NXN: variants seen among roughly 807,000 people sequenced by gnomAD.
NXN encodes the protein nucleoredoxin 1.
In NXN, 16 loss-of-function variants were observed where a neutral mutation model predicts 48.6. The ratio of observed to expected loss-of-function variants is 0.33; its 90% CI spans 0.22 to 0.50. The LOEUF is 0.50. Ranked by LOEUF, NXN falls within the 20% of genes least tolerant of loss-of-function variation. The pLI, the probability that NXN is intolerant of heterozygous loss-of-function variation, is 0.98. For synonymous variants in NXN, 281 were observed against 269.6 expected (o/e 1.04, Z -0.41); for missense variants, 492 against 605.5 (o/e 0.81, Z 1.97).
At chr17:814,213 T>C (rs1424865917) in intron 5 of NXN, among the ~76,000 whole-genome samples, 1 of 151,870 alleles carries the variant, frequency 6.6e-6, no homozygotes, top group Non-Finnish European at 1.5e-5. Context: ...GAGCAGAGAT[T>C]GCGCCACTGC....
intron 1 of NXN, among the ~76,000 whole-genome samples, chr17:948,039 T>G (rs116514442): frequency 0.017 from 2,534 of 151,662 alleles, 68 homozygotes; most frequent in African/African-American, 0.058. Context: ...TGACAGAGAC[T>G]CTCTCTCAAA....
chr17:806,812 G>A (rs556811530), intron 5 of NXN, among the ~76,000 whole-genome samples: 8 of 152,214 alleles, frequency 5.3e-5, no homozygotes, highest in South Asian at 2.1e-4. Flanking sequence ...AGGAATCAAC[G>A]AATCCATTAT....
chr17:919,362 A>C lies in NXN; in HGVS notation c.360+59957T>G, dbSNP rs2068722273. Among the ~76,000 whole-genome samples the C allele has an allele frequency of 1.4e-5, 2 of 138,278 alleles. No individual in the cohort carries two copies. Among genetic ancestry groups the C allele is most frequent in the African/African-American group, 4.9e-5 (2 of 40,982 alleles). The allele number at this position is 138,278 out of a possible 152,430, so 90.7% of individuals were successfully genotyped here. On this transcript the variant is annotated intron_variant, in intron 1 of 7. Coordinates refer to ENST00000336868, the MANE Select transcript of NXN (RefSeq NM_022463.5). The surrounding 1 kb of genome is among the most constrained non-coding windows in gnomAD (Gnocchi z 5.1). ...TGGTGACAGAGTGAGACTCTGTCTC[A>C]AAACAAAACAAAAAAAAGGTTCTGG...
At chr17:895,644 C>T (rs1296075059) in intron 1 of NXN, among the ~76,000 whole-genome samples, 2 of 70,604 alleles carry the variant, frequency 2.8e-5, no homozygotes, top group Non-Finnish European at 5.5e-5. Flanking sequence ...AACCCCGTCT[C>T]TACTTAAAAT....
intron 1 of NXN, among the ~76,000 whole-genome samples, chr17:878,893 G>A (rs951005823): frequency 3.9e-5 from 6 of 152,158 alleles, no homozygotes; most frequent in Non-Finnish European, 8.8e-5. Context: ...GGCCAGGTGC[G>A]GTGGCTCACG....
At chr17:868,453 T>C (rs111228841) in intron 1 of NXN, among the ~76,000 whole-genome samples, 4,656 of 152,034 alleles carry the variant, frequency 0.031, 85 homozygotes, top group Non-Finnish European at 0.041. Flanking sequence ...GCACAGAAAC[T>C]ACCTTGTCTT....
chr17:971,634 G>A (rs944346144), intron 1 of NXN, among the ~76,000 whole-genome samples: 6 of 151,752 alleles, frequency 4.0e-5, no homozygotes, highest in South Asian at 4.2e-4. Context: ...GGCGTGAACC[G>A]GGAAGGCGGA....
At chr17:852,888 C>T (rs932201303) in intron 1 of NXN, among the ~76,000 whole-genome samples, 9 of 152,326 alleles carry the variant, frequency 5.9e-5, no homozygotes, top group Admixed American at 5.2e-4. Context: ...TTCCCCAGGA[C>T]ACCTCAGAGT....
intron 1 of NXN, among the ~76,000 whole-genome samples, chr17:966,215 G>A (rs574262544): frequency 6.6e-6 from 1 of 152,144 alleles, no homozygotes; most frequent in South Asian, 2.1e-4. Flanking sequence ...CCAACCCACA[G>A]CACGCGGACA....
intron 1 of NXN, among the ~76,000 whole-genome samples, chr17:915,353 G>A (rs559566129): frequency 6.6e-5 from 10 of 152,184 alleles, no homozygotes; most frequent in South Asian, 4.1e-4. Context: ...GAGTCATCTC[G>A]GCTCACTGCA....
chr17:875,821 T>A (rs1310353908), intron 1 of NXN, among the ~76,000 whole-genome samples: 2 of 151,394 alleles, frequency 1.3e-5, no homozygotes, highest in South Asian at 2.1e-4. Flanking sequence ...GGTCTCAAGC[T>A]CCTGGCTTCA....
At chr17:842,998 GAGAAAGAGAGAA>G (rs201329795) in intron 1 of NXN, among the ~76,000 whole-genome samples, 1,585 of 104,512 alleles carry the variant, frequency 0.015, 16 homozygotes, top group South Asian at 0.047. Flanking sequence ...GAGAGAAAGA[GAGAAAGAGAGAA>G]AGAAAGAAAG....
chr17:889,713 AAG>A lies in NXN; in HGVS notation c.361-63637_361-63636del, dbSNP rs1193812493. On this transcript the variant is annotated intron_variant, in intron 1 of 7. Coordinates refer to ENST00000336868, the MANE Select transcript of NXN (RefSeq NM_022463.5). The stretch of plus-strand genomic sequence containing the variant: ...AGAAAGAAAGAAAAAGAAAGAAAGA[AAG>A]AAAGAAAGAAAGAAAGAAAGAAAGA... Among the ~76,000 whole-genome samples, 292 of 50,186 alleles carry A rather than the reference AAG, an allele frequency of 5.8e-3. 1 individual carries two copies. The highest frequency in any genetic ancestry group is 0.033 in the African/African-American group (283 of 8,556). 32.9% of individuals were successfully genotyped at this position (50,186 alleles called of 152,430 possible).
intron 5 of NXN, among the ~76,000 whole-genome samples, chr17:816,393 C>T (rs1912474914): frequency 6.6e-6 from 1 of 152,002 alleles, no homozygotes; most frequent in South Asian, 2.1e-4. Context: ...CAGGTCTATC[C>T]TGTGACGTTG....
chr17:802,482 C>G (rs181308166), intron 7 of NXN, among the ~76,000 whole-genome samples: 1 of 152,206 alleles, frequency 6.6e-6, no homozygotes, highest in Non-Finnish European at 1.5e-5. Flanking sequence ...CTGTGCCTGG[C>G]GTACAGAAAA....
At chr17:829,214 T>C (rs577163008) in intron 1 of NXN, among the ~76,000 whole-genome samples, 1 of 151,458 alleles carries the variant, frequency 6.6e-6, no homozygotes, top group East Asian at 1.9e-4. Context: ...TGGAGTACAG[T>C]GGCACGATCT....
intron 1 of NXN, among the ~76,000 whole-genome samples, chr17:915,544 C>A (rs1443472938): frequency 4.6e-5 from 7 of 152,050 alleles, no homozygotes; most frequent in Non-Finnish European, 8.8e-5. Context: ...CTCAGCCTCC[C>A]AAAGTGCTGG....
At chr17:817,818 G>A (rs1489023172) in intron 5 of NXN, among the ~76,000 whole-genome samples, 1 of 152,062 alleles carries the variant, frequency 6.6e-6, no homozygotes. Flanking sequence ...CAGCTGACAA[G>A]CATCTGCCAC....
chr17:873,493 C>CAAAAAAAAAAAA (rs71145783), intron 1 of NXN, among the ~76,000 whole-genome samples: 3,075 of 73,926 alleles, frequency 0.042, 135 homozygotes, highest in Non-Finnish European at 0.05. Context: ...ACACTGTCTC[C>CAAAAAAAAAAAA]AAAAAAAAAA....
Sources: gnomAD v4.1 joint callset for allele counts (sites outside exome capture counted in the v4.1 genomes callset) on GRCh38, gnomAD v4.1.1 for gene constraint, Gnocchi (gnomAD v3.1) non-coding constraint, MANE v1.5 for transcripts, NCBI Gene and HGNC (gene_info 2026-07-23, HGNC 2026-07-21) for gene names.